VEZF1: variants seen among roughly 807,000 people sequenced by gnomAD.
The protein encoded by VEZF1 is vascular endothelial zinc finger 1, also known as putative transcription factor DB1.
In VEZF1, 5 loss-of-function variants were observed where a neutral mutation model predicts 44.1. That is an observed-to-expected ratio of 0.11 (90% CI 0.06 to 0.24). VEZF1 has a LOEUF of 0.24. Ranked by LOEUF, VEZF1 falls within the 10% of genes least tolerant of loss-of-function variation. The pLI, the probability that VEZF1 is intolerant of heterozygous loss-of-function variation, is 1.00. For synonymous variants in VEZF1, 236 were observed against 233.1 expected (o/e 1.01, Z -0.11); for missense variants, 358 against 641.8 (o/e 0.56, Z 4.78).
chr17:57,975,517 G>A (rs538475770), intron 5 of VEZF1, among the ~76,000 whole-genome samples: 2 of 152,302 alleles, frequency 1.3e-5, no homozygotes, highest in South Asian at 4.1e-4. Flanking sequence ...TTAGTATCAT[G>A]TTTGTTTCAG....
At chr17:57,975,955 C>G (rs938148744) in intron 5 of VEZF1, among the ~76,000 whole-genome samples, 1 of 152,116 alleles carries the variant, frequency 6.6e-6, no homozygotes, top group African/African-American at 2.4e-5. Context: ...CATGCCATCA[C>G]GCCCAGCTAA....
intron 1 of VEZF1, among the ~76,000 whole-genome samples, chr17:57,987,669 CCACCGTGGGGGACCGGGCCGGCACG>C (rs1236445496): frequency 2.6e-5 from 4 of 152,160 alleles, no homozygotes; most frequent in Non-Finnish European, 5.9e-5. Flanking sequence ...CCTCCTCACC[CCACCGTGGGGGACCGGGCCGGCACG>C]CAATGGCCCA....
At chr17:57,978,269 CA>C (rs1264052247) in intron 5 of VEZF1, among the ~76,000 whole-genome samples, 7 of 150,138 alleles carry the variant, frequency 4.7e-5, no homozygotes, top group East Asian at 1.9e-4. Flanking sequence ...TACATGAAAG[CA>C]AAAGATGGAA....
In VEZF1 at chr17:57,982,881, G is replaced by A. The variant is rs376607462; in HGVS notation, c.546C>T (p.Ala182=). ...KNHACEMCGK[A]FRDVYHLNRH... ...GATTGAGATGGTACACATCTCGGAA[G>A]GCCTTCCCACACATCTCACAAGCAT... is the stretch of plus-strand genomic sequence containing the variant. The change falls in exon 2 of 6, where the codon GCC becomes GCT. Residue 182 remains alanine, a synonymous_variant. Coordinates refer to ENST00000581208, the MANE Select transcript of VEZF1 (RefSeq NM_007146.3). 1.4e-5 allele frequency: 23 copies of A among 1,614,162 alleles called. No homozygotes were observed. The highest frequency in any genetic ancestry group is 1.9e-5 in the Non-Finnish European group (22 of 1,180,042).
rs560409685 is a variant in VEZF1, at chr17:57,973,298, G to C, written c.*1175C>G. 1 of 151,888 alleles carries C rather than the reference G, an allele frequency of 6.6e-6. No homozygotes were observed. The highest frequency in any genetic ancestry group is 1.9e-4 in the East Asian group (1 of 5,192). 9.4% of individuals were successfully genotyped at this position (151,888 alleles called of 1,614,324 possible). A position where few individuals can be genotyped will look rare whatever the true frequency, so the allele number is the denominator to read the frequency against. On this transcript the variant is annotated 3_prime_UTR_variant, in exon 6 of 6. Coordinates refer to ENST00000581208, the MANE Select transcript of VEZF1 (RefSeq NM_007146.3). ...TGAAAACACCACAAAGCTGATACAA[G>C]TGTTTTCTCAAAGAAAAAAAAAGTG... is the stretch of plus-strand genomic sequence containing the variant.
chr17:57,985,387 ACT>A, intron 1 of VEZF1: 1 of 1,228,164 alleles, frequency 8.1e-7, no homozygotes, highest in East Asian at 3.2e-5. Flanking sequence ...TACAGGAATC[ACT>A]CTCTGAGGAT....
Position 57,973,437 on chromosome 17 carries a change from TGGTTA to T in VEZF1, c.*1031_*1035del, listed in dbSNP as rs1270311260. ...GAAGGGGCATACACTACCTAGTTAGTGGTTAGAATAAAAACTGTATACAATTTAAT... is the reference window on the plus strand; with the variant it reads ...GAAGGGGCATACACTACCTAGTTAGTGAATAAAAACTGTATACAATTTAAT... On this transcript the variant is annotated 3_prime_UTR_variant, in exon 6 of 6. Coordinates refer to ENST00000581208, the MANE Select transcript of VEZF1 (RefSeq NM_007146.3). 6.6e-6 allele frequency: 1 copy of T among 152,636 alleles called. No homozygotes were observed. Among genetic ancestry groups the T allele is most frequent in the African/African-American group, 2.4e-5 (1 of 41,458 alleles). 9.5% of individuals were successfully genotyped at this position (152,636 alleles called of 1,614,324 possible).
chr17:57,979,269 G>C lies in VEZF1; in HGVS notation c.1021C>G (p.Gln341Glu). The change falls in exon 5 of 6, where the codon CAG becomes GAG. Residue 341 changes from glutamine (Q) to glutamate (E), a missense_variant. Coordinates refer to ENST00000581208, the MANE Select transcript of VEZF1 (RefSeq NM_007146.3). ...ETSNQKQQQQ[Q>E]QQQQQQQQQQ... ...TGCTGCTGCTGCTGCTGCTGCTGCT[G>C]CTGCTGCTGCTGCTTTTGGTTACTG... 1.2e-6 allele frequency: 2 copies of C among 1,608,078 alleles called. No homozygotes were observed. Among genetic ancestry groups the C allele is most frequent in the South Asian group, 1.1e-5 (1 of 90,864 alleles).
At chr17:57,976,806 A>G (rs1318818494) in intron 5 of VEZF1, among the ~76,000 whole-genome samples, 3 of 152,122 alleles carry the variant, frequency 2.0e-5, no homozygotes, top group Non-Finnish European at 4.4e-5. Flanking sequence ...TACCAAATAG[A>G]GGAGTACACC....
rs1394118940 is a variant in VEZF1 at position 57,974,769 on chromosome 17, T to C, written c.1270A>G (p.Met424Val). 3.1e-6 allele frequency: 5 copies of C among 1,614,218 alleles called. No homozygotes were observed. The highest frequency in any genetic ancestry group is 2.2e-5 in the South Asian group (2 of 91,078). Reference sequence around the variant, plus strand: ...CTTGAAACATTTACTGGACTTCTCATGCTCATTGCAGCTGCCACTGTGACT... The same window carrying C: ...CTTGAAACATTTACTGGACTTCTCACGCTCATTGCAGCTGCCACTGTGACT... ...NPVTVAAAMS[M>V]RSPVNVSSAV... is the part of the protein sequence containing the mutation. The change falls in exon 6 of 6, where the codon ATG (methionine) becomes GTG (valine). Residue 424 changes from methionine (M) to valine (V), a missense_variant. Physicochemically the swap from Met to Val is conservative, Grantham distance 21 (BLOSUM62 1). Coordinates refer to ENST00000581208, the MANE Select transcript of VEZF1 (RefSeq NM_007146.3).
chr17:57,972,554 CAA>C lies in VEZF1; in HGVS notation c.*1917_*1918del, dbSNP rs893373447. The C allele has an allele frequency of 1.3e-5, 2 of 152,608 alleles. No homozygotes were observed. Among genetic ancestry groups the C allele is most frequent in the African/African-American group, 2.4e-5 (1 of 41,436 alleles). 9.5% of individuals were successfully genotyped at this position (152,608 alleles called of 1,614,324 possible). A position where few individuals can be genotyped will look rare whatever the true frequency, so the allele number is the denominator to read the frequency against. ...GTACTGTGGATAAGAACAGTTGTAA[CAA>C]AGTCATAGCTACATATTTTTCTCTA... On this transcript the variant is annotated 3_prime_UTR_variant, in exon 6 of 6. Coordinates refer to ENST00000581208, the MANE Select transcript of VEZF1 (RefSeq NM_007146.3).
Position 57,979,224 on chromosome 17 carries a change from C to A in VEZF1, c.1066G>T (p.Val356Leu), listed in dbSNP as rs758785446. The A allele has an allele frequency of 3.1e-6, 5 of 1,611,834 alleles. No individual in the cohort carries two copies. The highest frequency in any genetic ancestry group is 4.2e-6 in the Non-Finnish European group (5 of 1,179,724). The change falls in exon 5 of 6, where the codon GTG (valine) becomes TTG (leucine). Residue 356 changes from valine to leucine, a missense_variant. Transcript: ENST00000581208. ...QQQQQQQQQH[V>L]TSWPGKQVET... ...ACTTGCTTCCCTGGCCAGCTTGTCA[C>A]ATGTTGTTGTTGTTGTTGTTGCTGC...
At chr17:57,975,757 C>A (rs1219289114) in intron 5 of VEZF1, among the ~76,000 whole-genome samples, 2 of 152,164 alleles carry the variant, frequency 1.3e-5, no homozygotes, top group African/African-American at 4.8e-5. Flanking sequence ...GGAGACCCTG[C>A]AGTGAGTTAG....
rs763974996 is a variant in VEZF1 at position 57,983,046 on chromosome 17, C to A, written c.381G>T (p.Ser127=). The A allele has an allele frequency of 3.1e-6, 5 of 1,614,128 alleles. No homozygotes were observed. The highest frequency in any genetic ancestry group is 3.4e-6 in the Non-Finnish European group (4 of 1,180,012). ...STIAGDSSRT[S]LVSTIAGILS... ...AGATGCCTGCAATGGTCGAGACCAACGAAGTTCGGCTGCTGTCCCCAGCGA... is the reference window on the plus strand; with the variant it reads ...AGATGCCTGCAATGGTCGAGACCAAAGAAGTTCGGCTGCTGTCCCCAGCGA... The change falls in exon 2 of 6, where the codon TCG becomes TCT. Residue 127 remains serine, a synonymous_variant. Transcript: ENST00000581208.
intron 5 of VEZF1, among the ~76,000 whole-genome samples, chr17:57,977,776 G>T (rs1019597139): frequency 5.9e-5 from 9 of 151,742 alleles, no homozygotes; most frequent in Non-Finnish European, 1.3e-4. Flanking sequence ...CCTGGGAGGC[G>T]GAGGTTGTGG....
chr17:57,983,432 C>G, intron 1 of VEZF1, 39 bp from the exon 2 acceptor site: 1 of 1,533,456 alleles, frequency 6.5e-7, no homozygotes, highest in Non-Finnish European at 8.8e-7. Context: ...CTCAGCCTCT[C>G]ACAATGGCCT....
chr17:57,976,376 A>T (rs2143324191), intron 5 of VEZF1, among the ~76,000 whole-genome samples: 1 of 152,328 alleles, frequency 6.6e-6, no homozygotes, highest in South Asian at 2.1e-4. Context: ...CTGATTATCA[A>T]AATCAACTAT....
In VEZF1 at chr17:57,979,193, G is replaced by C; in HGVS notation, c.1097C>G (p.Thr366Arg). The part of the protein sequence containing the change: ...VTSWPGKQVE[T>R]LRLWEEAVKA... ...AACAGCTTCTTCCCACAGTCTCAGTGTTTCTACTTGCTTCCCTGGCCAGCT... is the reference window on the plus strand; with the variant it reads ...AACAGCTTCTTCCCACAGTCTCAGTCTTTCTACTTGCTTCCCTGGCCAGCT... Residue 366 changes from threonine (T) to arginine (R), a missense_variant, in exon 5 of 6, where the codon ACA (threonine) becomes AGA (arginine). Physicochemically the swap from Thr to Arg is moderately conservative, Grantham distance 71. Transcript: ENST00000581208. 1 of 1,613,784 alleles carries C rather than the reference G, an allele frequency of 6.2e-7. No homozygotes were observed. The highest frequency in any genetic ancestry group is 8.5e-7 in the Non-Finnish European group (1 of 1,180,028).
chr17:57,980,550 C>T (rs1185343840), intron 4 of VEZF1, 53 bp downstream of exon 4: 18 of 1,494,704 alleles, frequency 1.2e-5, no homozygotes, highest in Admixed American at 3.4e-5. Context: ...TGAAAACATG[C>T]ATATTTCACC....
Sources: allele counts gnomAD v4.1 joint callset (sites outside exome capture counted in the v4.1 genomes callset), GRCh38; gene constraint gnomAD v4.1.1; transcripts MANE v1.5; gene names NCBI Gene and HGNC (gene_info 2026-07-23, HGNC 2026-07-21).